ECT2L: variants seen among roughly 807,000 people sequenced by gnomAD.
The protein encoded by ECT2L is epithelial cell-transforming sequence 2 oncogene-like.
ECT2L carries 126 observed loss-of-function variants against 122.8 expected under a neutral mutation model. The observed-to-expected ratio is 1.03, with a 90% CI of 0.89 to 1.19. The LOEUF is 1.19. ECT2L is among the 50% of genes most tolerant of loss of function. The pLI, the probability that ECT2L is intolerant of heterozygous loss-of-function variation, is 0.00. For missense variants in ECT2L, 1,012 were observed against 1,064.1 expected, an observed-to-expected ratio of 0.95 and a Z score of 0.68; for synonymous variants, 385 against 381.8, an observed-to-expected ratio of 1.01 and a Z score of -0.10.
chr6:138,834,894 TAC>T (rs544584441), intron 4 of ECT2L, among the ~76,000 whole-genome samples: 7,357 of 137,106 alleles, frequency 0.054, 204 homozygotes, highest in African/African-American at 0.053. Flanking sequence ...TGCCCCCGTT[TAC>T]ACACACACAC....
intron 7 of ECT2L, among the ~76,000 whole-genome samples, chr6:138,844,832 A>G (rs1430901088): frequency 7.2e-6 from 1 of 138,374 alleles, no homozygotes; most frequent in Non-Finnish European, 1.5e-5. Flanking sequence ...GTCTTGCCAC[A>G]TTGCGCAGGC....
chr6:138,831,214 GGGCTAT>G (rs2128383698), intron 4 of ECT2L, among the ~76,000 whole-genome samples: 1 of 152,264 alleles, frequency 6.6e-6, no homozygotes, highest in South Asian at 2.1e-4. Context: ...TTTCTGGCCT[GGGCTAT>G]GGCTATGGCC....
At chr6:138,848,453 C>T (rs948137070) in intron 8 of ECT2L, among the ~76,000 whole-genome samples, 1 of 151,832 alleles carries the variant, frequency 6.6e-6, no homozygotes, top group Admixed American at 6.6e-5. Flanking sequence ...CAAAGATGAC[C>T]TTTGTATCTA....
In ECT2L at chr6:138,885,812, T is replaced by C; in HGVS notation, c.2241T>C (p.Tyr747=). The C allele has an allele frequency of 6.2e-7, 1 of 1,614,116 alleles. No individual in the cohort carries two copies. Among genetic ancestry groups the C allele is most frequent in the South Asian group, 1.1e-5 (1 of 91,072 alleles). The change falls in exon 18 of 22, where the codon TAT becomes TAC. Residue 747 remains tyrosine (Y), a synonymous_variant. Transcript: ENST00000541398. Reference sequence around the variant, plus strand: ...CTGCAATTGACCAAATCAAAAAATATAAAGGTTATATAGATCAGGTTGGTT... The same window carrying C: ...CTGCAATTGACCAAATCAAAAAATACAAAGGTTATATAGATCAGGTTGGTT... ...LTTAIDQIKK[Y]KGYIDQMKQN...
At chr6:138,809,029 T>G (rs1265675478) in intron 1 of ECT2L, among the ~76,000 whole-genome samples, 1 of 152,160 alleles carries the variant, frequency 6.6e-6, no homozygotes, top group African/African-American at 2.4e-5. Context: ...GCCTGGCCTA[T>G]TTTTTCCTTT....
intron 20 of ECT2L, among the ~76,000 whole-genome samples, chr6:138,895,888 C>T (rs1484463152): frequency 2.6e-5 from 4 of 151,942 alleles, no homozygotes; most frequent in South Asian, 2.1e-4. Context: ...ACAAAAAGAA[C>T]GAGTAAGTGT....
At chr6:138,844,675 A>G in intron 7 of ECT2L, 95 bp downstream of exon 7, 2 of 1,193,008 alleles carry the variant, frequency 1.7e-6, no homozygotes, top group Non-Finnish European at 2.4e-6. Flanking sequence ...AATCTTGTGT[A>G]ATTCTGTGGC....
rs563933704 is a variant in ECT2L at position 138,900,970 on chromosome 6, C to T, written c.2437C>T (p.Leu813Phe). ...CAGGCTCTATGAACACATCCATGAT[C>T]TCAGCCTTTTCCTCTTCAATGATGC... ...SLRLYEHIHDLSLFLFNDALL... is the reference protein window; with the variant it reads ...SLRLYEHIHDFSLFLFNDALL... The change falls in exon 21 of 22, where the codon CTC becomes TTC. Residue 813 changes from leucine to phenylalanine, a missense_variant. Coordinates refer to ENST00000541398, the MANE Select transcript of ECT2L (RefSeq NM_001077706.3). 6.2e-7 allele frequency: 1 copy of T among 1,614,074 alleles called. No homozygotes were observed. Among genetic ancestry groups the T allele is most frequent in the Admixed American group, 1.7e-5 (1 of 60,004 alleles).
chr6:138,806,511 C>CTTTT (rs57786220), intron 1 of ECT2L, among the ~76,000 whole-genome samples: 1,350 of 89,556 alleles, frequency 0.015, 164 homozygotes, highest in African/African-American at 0.053. Context: ...AAAATTCACG[C>CTTTT]TTTTTTTTTT....
intron 1 of ECT2L, among the ~76,000 whole-genome samples, chr6:138,796,406 C>T (rs908938225): frequency 6.6e-6 from 1 of 152,132 alleles, no homozygotes; most frequent in African/African-American, 2.4e-5. Context: ...AAAATCCACG[C>T]GTAGGGTAGG....
intron 14 of ECT2L, among the ~76,000 whole-genome samples, chr6:138,878,296 C>CAT (rs566666771): frequency 0.06 from 6,905 of 115,380 alleles, 199 homozygotes; most frequent in Middle Eastern, 0.12. Flanking sequence ...GATTTAGATA[C>CAT]ATATATATAT....
rs1234322050 is a variant in ECT2L, at chr6:138,812,819, A to G, written c.-243-19A>G. On this transcript the variant is annotated intron_variant, in intron 1 of 21. Coordinates refer to ENST00000541398, the MANE Select transcript of ECT2L (RefSeq NM_001077706.3). The stretch of plus-strand genomic sequence containing the variant: ...GACTCCATCTTAAAAAAACAAAATA[A>G]CAAATTCTTATTTTCCAGGTAAAGA... The G allele has an allele frequency of 6.5e-6, 1 of 153,724 alleles. No homozygotes were observed. The highest frequency in any genetic ancestry group is 1.4e-5 in the Non-Finnish European group (1 of 69,268). The allele number at this position is 153,724 out of a possible 1,614,324, so 9.5% of individuals were successfully genotyped here.
In ECT2L at chr6:138,843,015, T is replaced by C; in HGVS notation, c.379T>C (p.Trp127Arg). 1 of 1,570,418 alleles carries C rather than the reference T, an allele frequency of 6.4e-7. No homozygotes were observed. The highest frequency in any genetic ancestry group is 8.7e-7 in the Non-Finnish European group (1 of 1,151,696). The change falls in exon 6 of 22, where the codon TGG (tryptophan) becomes CGG (arginine). Residue 127 changes from tryptophan to arginine, a missense_variant. Transcript: ENST00000541398. Reference sequence around the variant, plus strand: ...GATGCCCAAATGCGTTAAGTTCGGATGGTTTCTGCCCTATACTCCAACAGA... The same window carrying C: ...GATGCCCAAATGCGTTAAGTTCGGACGGTTTCTGCCCTATACTCCAACAGA... ...LWMPKCVKFG[W>R]FLPYTPTDNE...
rs564007325 is a variant in ECT2L at position 138,875,773 on chromosome 6, A to C, written c.1579-699A>C. ...GCTTTTCCTTCTGGATCTTAAAAAT[A>C]AAAATAACCTATTTGCCCTCAACTG... On this transcript the variant is annotated intron_variant, in intron 13 of 21. Coordinates refer to ENST00000541398, the MANE Select transcript of ECT2L (RefSeq NM_001077706.3). Among the ~76,000 whole-genome samples the C allele has an allele frequency of 3.3e-5, 5 of 152,362 alleles. No homozygotes were observed. The South Asian group carries it at 1.0e-3, about 32-fold the overall frequency.
chr6:138,851,093 T>A (rs1446966640), intron 9 of ECT2L, among the ~76,000 whole-genome samples: 3 of 150,560 alleles, frequency 2.0e-5, no homozygotes, highest in Non-Finnish European at 3.0e-5. Flanking sequence ...CATCATTTCA[T>A]AATCCCACCA....
At chr6:138,838,809 C>T (rs940636076) in intron 5 of ECT2L, among the ~76,000 whole-genome samples, 7 of 152,300 alleles carry the variant, frequency 4.6e-5, no homozygotes, top group African/African-American at 9.6e-5. Flanking sequence ...GACGGAGTCT[C>T]GCTCTGTTGC....
intron 19 of ECT2L, among the ~76,000 whole-genome samples, chr6:138,888,283 AT>A (rs1263323601): frequency 6.7e-6 from 1 of 149,820 alleles, no homozygotes; most frequent in African/African-American, 2.5e-5. Context: ...TTGACTTCTT[AT>A]TCTGTACCAA....
intron 1 of ECT2L, among the ~76,000 whole-genome samples, chr6:138,804,827 A>G (rs2128369299): frequency 6.6e-6 from 1 of 152,312 alleles, no homozygotes; most frequent in South Asian, 2.1e-4. Context: ...ACTTGATGTT[A>G]TTGTAAATAT....
At chr6:138,867,560 A>C (rs1454287289) in intron 12 of ECT2L, among the ~76,000 whole-genome samples, 1 of 151,586 alleles carries the variant, frequency 6.6e-6, no homozygotes, top group Non-Finnish European at 1.5e-5. Context: ...CTGTAATCCC[A>C]GCACTTTGGG....
Sources: gnomAD v4.1 joint callset for allele counts (sites outside exome capture counted in the v4.1 genomes callset) on GRCh38, gnomAD v4.1.1 for gene constraint, MANE v1.5 for transcripts, NCBI Gene and HGNC (gene_info 2026-07-23, HGNC 2026-07-21) for gene names.